The following RTF2 variants were observed in gnomAD, a reference collection of about 807,000 sequenced individuals.
RTF2 encodes replication termination factor 2.
RTF2 carries 18 observed loss-of-function variants against 38.0 expected under a neutral mutation model. The observed-to-expected ratio is 0.47, with a 90% CI of 0.33 to 0.70. The LOEUF is 0.70. Among genes scored for constraint, RTF2 ranks in the 30% least tolerant of loss-of-function variants. RTF2 has a pLI of 0.02. For missense variants in RTF2, 311 were observed against 379.6 expected (o/e 0.82, Z 1.50); for synonymous variants, 126 against 137.1 (o/e 0.92, Z 0.57).
intron 5 of RTF2, among the ~76,000 whole-genome samples, chr20:56,493,909 C>T (rs893526082): frequency 3.3e-5 from 5 of 152,144 alleles, no homozygotes; most frequent in African/African-American, 1.2e-4. Context: ...CATGCAGAGT[C>T]GGACTGGGAG....
chr20:56,488,636 G>T (rs529241019), intron 5 of RTF2, among the ~76,000 whole-genome samples: 1 of 152,226 alleles, frequency 6.6e-6, no homozygotes, highest in Admixed American at 6.5e-5. Flanking sequence ...GCCTTCTTCA[G>T]AGTATCTTAG....
rs1985202173 is a variant in RTF2, at chr20:56,518,523, C to T, written c.*258C>T. On this transcript the variant is annotated 3_prime_UTR_variant, in exon 9 of 9. Coordinates refer to ENST00000357348, the MANE Select transcript of RTF2 (RefSeq NM_016407.5). Reference sequence around the variant, plus strand: ...AGGTGCATTTGGTCCTTTCCATGGCCAGGAAGCCCTGTGGGCTGCACTTTT... The same window carrying T: ...AGGTGCATTTGGTCCTTTCCATGGCTAGGAAGCCCTGTGGGCTGCACTTTT... The T allele has an allele frequency of 2.7e-6, 1 of 368,504 alleles. No homozygotes were observed. Among genetic ancestry groups the T allele is most frequent in the Non-Finnish European group, 4.8e-6 (1 of 206,740 alleles). The allele number at this position is 368,504 out of a possible 1,614,324, so 22.8% of individuals were successfully genotyped here.
intron 1 of RTF2, among the ~76,000 whole-genome samples, chr20:56,469,943 TC>T (rs1981871888): frequency 6.6e-6 from 1 of 152,234 alleles, no homozygotes. Context: ...ATGTCATCTG[TC>T]CACTGTAACT....
chr20:56,479,818 CTTT>C (rs56227133), intron 4 of RTF2, among the ~76,000 whole-genome samples: 1 of 142,438 alleles, frequency 7.0e-6, no homozygotes, highest in Non-Finnish European at 1.5e-5. Flanking sequence ...TGAAAGGAAT[CTTT>C]TTTTTTTTTT....
At chr20:56,512,828 A>G (rs529379355) in intron 5 of RTF2, among the ~76,000 whole-genome samples, 1 of 152,280 alleles carries the variant, frequency 6.6e-6, no homozygotes, top group East Asian at 1.9e-4. Context: ...GTACGAAGTG[A>G]ATACTTCCCC....
chr20:56,509,487 C>G (rs1462245194), intron 5 of RTF2, among the ~76,000 whole-genome samples: 64 of 152,016 alleles, frequency 4.2e-4, no homozygotes, highest in Non-Finnish European at 2.9e-5. Context: ...ATGGCGGGGG[C>G]CTGTAATCCC....
Position 56,508,485 on chromosome 20 carries a change from GTAAC to G in RTF2, c.478-4826_478-4823del, listed in dbSNP as rs1217233541. 4.6e-5 allele frequency among the ~76,000 whole-genome samples: 7 copies of G among 152,232 alleles called. No homozygotes were observed. The South Asian group carries it at 1.4e-3, about 32-fold the overall frequency. On this transcript the variant is annotated intron_variant, in intron 5 of 8. Coordinates refer to ENST00000357348, the MANE Select transcript of RTF2 (RefSeq NM_016407.5). ...TTTTTCAAAGGCAGTGTCTTATGGAGTAACTAAATATTTTAGTTAATAACAGACC... is the reference window on the plus strand; with the variant it reads ...TTTTTCAAAGGCAGTGTCTTATGGAGTAAATATTTTAGTTAATAACAGACC...
chr20:56,496,535 G>A, intron 5 of RTF2: 2 of 1,300,732 alleles, frequency 1.5e-6, no homozygotes, highest in Non-Finnish European at 2.0e-6. Flanking sequence ...GTGACCGTGT[G>A]AGACTCCGTC....
At chr20:56,472,343 T>G (rs1356167160) in intron 1 of RTF2, 1 of 1,542,784 alleles carries the variant, frequency 6.5e-7, no homozygotes, top group Admixed American at 2.0e-5. Flanking sequence ...ATTTGAAGAA[T>G]GGGAAAGAGT....
At chr20:56,484,595 G>A (rs950807878) in intron 5 of RTF2, among the ~76,000 whole-genome samples, 2 of 152,162 alleles carry the variant, frequency 1.3e-5, no homozygotes, top group Non-Finnish European at 2.9e-5. Flanking sequence ...GTATGTGTCT[G>A]CTTCCCCACC....
intron 1 of RTF2, chr20:56,472,421 T>C (rs1194057076): frequency 6.6e-7 from 1 of 1,513,760 alleles, no homozygotes. Context: ...ATGATGTATG[T>C]GAAAATGTCA....
chr20:56,493,028 T>G (rs1360978170), intron 5 of RTF2, among the ~76,000 whole-genome samples: 1 of 151,792 alleles, frequency 6.6e-6, no homozygotes, highest in African/African-American at 2.4e-5. Context: ...ATACAAAAAT[T>G]AGCTGGGTGT....
intron 3 of RTF2, among the ~76,000 whole-genome samples, chr20:56,475,745 G>C (rs1383996689): frequency 1.3e-5 from 2 of 150,730 alleles, no homozygotes; most frequent in Non-Finnish European, 3.0e-5. Flanking sequence ...CCCATCTGAT[G>C]AGAAAAAAAA....
At chr20:56,473,623 C>T (rs908430833) in intron 2 of RTF2, among the ~76,000 whole-genome samples, 1 of 152,132 alleles carries the variant, frequency 6.6e-6, no homozygotes, top group Non-Finnish European at 1.5e-5. Flanking sequence ...GTGGCTCACA[C>T]CTGTAATCCC....
In RTF2 at chr20:56,468,660, T is replaced by C; in HGVS notation, c.-38T>C. The C allele has an allele frequency of 1.3e-6, 2 of 1,545,166 alleles. No individual in the cohort carries two copies. The highest frequency in any genetic ancestry group is 1.2e-5 in the South Asian group (1 of 84,044). On this transcript the variant is annotated 5_prime_UTR_variant, in exon 1 of 9. Transcript: ENST00000357348. The stretch of plus-strand genomic sequence containing the variant: ...CGCCGGAAATCCCGGAAGTGACAGC[T>C]TTGGGGGTTTGCTGCTGGCTCTGAC...
intron 4 of RTF2, among the ~76,000 whole-genome samples, chr20:56,478,953 ATTC>A (rs1662256709): frequency 6.6e-6 from 1 of 152,218 alleles, no homozygotes; most frequent in Admixed American, 6.5e-5. Context: ...CCATGGGCAG[ATTC>A]TGTCTCAAGA....
chr20:56,491,425 T>C, intron 5 of RTF2: 2 of 670,140 alleles, frequency 3.0e-6, no homozygotes, highest in Non-Finnish European at 5.2e-6. Flanking sequence ...TAAAGTCTTG[T>C]CAATAGCATG....
intron 5 of RTF2, among the ~76,000 whole-genome samples, chr20:56,501,749 T>C (rs1426379921): frequency 1.3e-5 from 2 of 152,168 alleles, no homozygotes; most frequent in African/African-American, 2.4e-5. Flanking sequence ...AAACCTGTGG[T>C]CTCAGCTACT....
chr20:56,505,465 G>A (rs1457172794), intron 5 of RTF2, among the ~76,000 whole-genome samples: 1 of 148,606 alleles, frequency 6.7e-6, no homozygotes, highest in Non-Finnish European at 1.5e-5. Flanking sequence ...TGCAGTCTGG[G>A]CAACAGAGTG....
Sources: gnomAD v4.1 joint callset for allele counts (sites outside exome capture counted in the v4.1 genomes callset) on GRCh38, gnomAD v4.1.1 for gene constraint, MANE v1.5 for transcripts, NCBI Gene and HGNC (gene_info 2026-07-23, HGNC 2026-07-21) for gene names.